Variants in SVOP observed in about 807,000 individuals in gnomAD.
SVOP encodes SV2 related protein.
Under a neutral mutation model 69.1 loss-of-function variants are expected in SVOP, and 17 were observed. The observed-to-expected ratio is 0.25, with a 90% confidence interval of 0.17 to 0.37. The LOEUF (loss-of-function observed/expected upper bound fraction) is 0.37. Among genes scored for constraint, SVOP ranks in the 10% least tolerant of loss-of-function variants. SVOP has a pLI of 1.00. For synonymous variants in SVOP, 238 were observed against 238.6 expected (o/e 1.00, Z 0.02); for missense variants, 435 against 597.5 (o/e 0.73, Z 2.84).
intron 7 of SVOP, among the ~76,000 whole-genome samples, chr12:108,943,944 C>T (rs555101995): frequency 5.9e-5 from 9 of 151,702 alleles, no homozygotes; most frequent in South Asian, 4.2e-4. Flanking sequence ...TACAGTGGCA[C>T]GATCTCAGCT....
intron 4 of SVOP, among the ~76,000 whole-genome samples, chr12:108,976,842 T>C (rs1304385681): frequency 1.3e-5 from 2 of 152,268 alleles, no homozygotes; most frequent in Non-Finnish European, 2.9e-5. Context: ...CTCGAACTCC[T>C]GACCTCAGGT....
Position 109,020,888 on chromosome 12 carries a change from G to A in SVOP, c.-20C>T, listed in dbSNP as rs1264129069. The stretch of plus-strand genomic sequence containing the variant: ...CTCCATGTCCGCGCTGCGCCAGGAT[G>A]AGCCCTTCTCATGGCCCTTACATGG... On this transcript the variant is annotated 5_prime_UTR_variant, in exon 1 of 16. Coordinates refer to ENST00000610966, the MANE Select transcript of SVOP (RefSeq NM_018711.5). 1.4e-6 allele frequency: 1 copy of A among 717,850 alleles called. No homozygotes were observed. Among genetic ancestry groups the A allele is most frequent in the South Asian group, 1.5e-5 (1 of 67,554 alleles). The allele number at this position is 717,850 out of a possible 1,614,324, so 44.5% of individuals were successfully genotyped here.
At chr12:108,988,833 C>T (rs1181406687) in intron 1 of SVOP, among the ~76,000 whole-genome samples, 2 of 133,826 alleles carry the variant, frequency 1.5e-5, no homozygotes, top group South Asian at 2.3e-4. Flanking sequence ...AGTGCAATGG[C>T]ATGATCTCTG....
At position 108,951,849 on chromosome 12, in the gene SVOP, T is replaced by C. The variant is rs139798676; in HGVS notation, c.579-6683A>G. ...TTTTCCGTCCCGGTATCTATGCACCTTTGCAGTATGACTGCAGCACATCCC... is the reference window on the plus strand; with the variant it reads ...TTTTCCGTCCCGGTATCTATGCACCCTTGCAGTATGACTGCAGCACATCCC... On this transcript the variant is annotated intron_variant, in intron 6 of 15. Transcript: ENST00000610966. Among the ~76,000 whole-genome samples the C allele has an allele frequency of 5.6e-3, 855 of 152,354 alleles. 12 individuals are homozygous for C. The highest frequency in any genetic ancestry group is 0.019 in the African/African-American group (808 of 41,568).
chr12:108,991,111 G>C (rs1359531285), intron 1 of SVOP, among the ~76,000 whole-genome samples: 1 of 152,196 alleles, frequency 6.6e-6, no homozygotes. Context: ...TACCCTGAGA[G>C]ACCTATGACA....
intron 1 of SVOP, among the ~76,000 whole-genome samples, chr12:109,012,975 G>A (rs745554770): frequency 1.3e-5 from 2 of 152,176 alleles, no homozygotes; most frequent in African/African-American, 4.8e-5. Context: ...AAGAAACAAA[G>A]CTATGTCTGG....
At chr12:109,020,785 T>G (rs2040393535) in intron 1 of SVOP, 49 bp downstream of exon 1, 1 of 437,902 alleles carries the variant, frequency 2.3e-6, no homozygotes, top group Non-Finnish European at 4.5e-6. Flanking sequence ...AGGTTTTCGT[T>G]TTTTAAAAGA....
At chr12:109,018,105 G>GAATGA (rs1566070595) in intron 1 of SVOP, among the ~76,000 whole-genome samples, 46,245 of 110,570 alleles carry the variant, frequency 0.42, 8,542 homozygotes, top group Non-Finnish European at 0.46. Flanking sequence ...AGAATGGATG[G>GAATGA]ATGAATGAAT....
intron 5 of SVOP, among the ~76,000 whole-genome samples, chr12:108,972,167 A>G (rs995643783): frequency 6.6e-6 from 1 of 151,600 alleles, no homozygotes; most frequent in Non-Finnish European, 1.5e-5. Flanking sequence ...GTTCTGGTCC[A>G]GGGGATATGA....
rs1375963235 is a variant in SVOP, at chr12:108,909,980, G to A, written c.*2555C>T. 2 of 152,656 alleles carry A rather than the reference G, an allele frequency of 1.3e-5. No individual in the cohort carries two copies. The highest frequency in any genetic ancestry group is 4.8e-5 in the African/African-American group (2 of 41,454). The allele number at this position is 152,656 out of a possible 1,614,324, so 9.5% of individuals were successfully genotyped here. On this transcript the variant is annotated 3_prime_UTR_variant, in exon 16 of 16. Transcript: ENST00000610966. The stretch of plus-strand genomic sequence containing the variant: ...TTGTTTTGTTTTGTTTTGTTTTTGA[G>A]ATGGAGTCTTGCTCTGTCGCCCAGG...
chr12:108,993,077 G>A (rs2040211286), intron 1 of SVOP, among the ~76,000 whole-genome samples: 1 of 151,852 alleles, frequency 6.6e-6, no homozygotes, highest in Non-Finnish European at 1.5e-5. Context: ...CTGTCACCCA[G>A]GCTCACTGCA....
intron 1 of SVOP, among the ~76,000 whole-genome samples, chr12:108,985,058 C>T (rs1378675760): frequency 1.7e-4 from 26 of 151,762 alleles, no homozygotes; most frequent in African/African-American, 6.1e-4. Context: ...GAGATGCCAT[C>T]TCTACAAAAA....
chr12:108,932,697 C>T (rs1489868698), intron 11 of SVOP, among the ~76,000 whole-genome samples: 1 of 151,922 alleles, frequency 6.6e-6, no homozygotes, highest in Non-Finnish European at 1.5e-5. Flanking sequence ...TTCTTATACC[C>T]CCTCCCTCTT....
intron 1 of SVOP, among the ~76,000 whole-genome samples, chr12:109,019,514 G>T (rs1000406254): frequency 2.6e-5 from 4 of 151,806 alleles, no homozygotes; most frequent in Admixed American, 1.3e-4. Flanking sequence ...TTTTTTATTG[G>T]GGGTAATCAT....
intron 3 of SVOP, 22 bp from the exon 4 acceptor site, chr12:108,977,518 C>T: frequency 1.3e-6 from 2 of 1,493,418 alleles, no homozygotes; most frequent in Middle Eastern, 1.7e-4. Context: ...ACGGAGACAT[C>T]ATGAGGCCAG....
intron 1 of SVOP, among the ~76,000 whole-genome samples, chr12:108,991,450 T>A (rs2040200074): frequency 2.0e-4 from 1 of 5,066 alleles, no homozygotes; most frequent in South Asian, 0.016. Flanking sequence ...TGCTTGTTTG[T>A]TTGTTTGTTT....
chr12:108,947,954 C>A (rs1593187052), intron 6 of SVOP, among the ~76,000 whole-genome samples: 1 of 152,214 alleles, frequency 6.6e-6, no homozygotes, highest in Non-Finnish European at 1.5e-5. Flanking sequence ...TGTGTGCCCA[C>A]CTTGCACTTC....
chr12:108,987,765 T>C (rs1316817069), intron 1 of SVOP, among the ~76,000 whole-genome samples: 1 of 152,232 alleles, frequency 6.6e-6, no homozygotes, highest in Non-Finnish European at 1.5e-5. Flanking sequence ...CTTTGCCTAT[T>C]TTAAACTTGG....
Position 108,912,180 on chromosome 12 carries a change from A to G in SVOP, c.*355T>C. The G allele has an allele frequency of 8.8e-7, 1 of 1,138,820 alleles. No individual in the cohort carries two copies. The highest frequency in any genetic ancestry group is 1.1e-6 in the Non-Finnish European group (1 of 923,374). 70.5% of individuals were successfully genotyped at this position (1,138,820 alleles called of 1,614,324 possible). A position where few individuals can be genotyped will look rare whatever the true frequency, so the allele number is the denominator to read the frequency against. ...GCCTGAGCCTGGACGGTATCTACAG[A>G]GAGATATTTTGGTTGTTCACTGAGG... On this transcript the variant is annotated 3_prime_UTR_variant, in exon 16 of 16. Coordinates refer to ENST00000610966, the MANE Select transcript of SVOP (RefSeq NM_018711.5).
Sources: allele counts gnomAD v4.1 joint callset (sites outside exome capture counted in the v4.1 genomes callset), GRCh38; gene constraint gnomAD v4.1.1; transcripts MANE v1.5; gene names NCBI Gene and HGNC (gene_info 2026-07-23, HGNC 2026-07-21).